The following TMEM221 variants were observed in gnomAD, a reference collection of about 807,000 sequenced individuals.
TMEM221 encodes the protein Putative transmembrane protein ENSP00000342162.
A neutral mutation model predicts 10.2 loss-of-function variants in TMEM221; 11 were observed. The ratio of observed to expected loss-of-function variants is 1.08; its 90% CI spans 0.68 to 1.79. The LOEUF (loss-of-function observed/expected upper bound fraction) is 1.79. Among genes scored for constraint, TMEM221 ranks in the 40% most tolerant of loss-of-function variants. The pLI is 0.00. For missense variants in TMEM221, 382 were observed against 417.7 expected (o/e 0.91, Z 0.75); for synonymous variants, 172 against 199.8 (o/e 0.86, Z 1.18).
chr19:17,447,440 T>A (rs2074957206), intron 1 of TMEM221, among the ~76,000 whole-genome samples: 1 of 152,080 alleles, frequency 6.6e-6, no homozygotes, highest in African/African-American at 2.4e-5. Flanking sequence ...ACCCAACAGA[T>A]GTTTGCTGAC....
In TMEM221 at chr19:17,447,968, G is replaced by A. The variant is rs188152743; in HGVS notation, c.320+175C>T. 1.5e-3 allele frequency among the ~76,000 whole-genome samples: 234 copies of A among 152,320 alleles called. 1 individual carries two copies. The highest frequency in any genetic ancestry group is 5.5e-3 in the African/African-American group (230 of 41,572). On this transcript the variant is annotated intron_variant, in intron 1 of 2. Coordinates refer to ENST00000341130, the MANE Select transcript of TMEM221 (RefSeq NM_001190844.2). ...TTGAACAAATATAGAATGGAGGGAG[G>A]GAAGGAGGGAGGAGGAGAGGAAAGG... is the stretch of plus-strand genomic sequence containing the variant.
At chr19:17,438,691 G>A (rs1379368060) in intron 2 of TMEM221, among the ~76,000 whole-genome samples, 6 of 150,652 alleles carry the variant, frequency 4.0e-5, no homozygotes, top group Admixed American at 2.7e-4. Flanking sequence ...TCTGCCTCTC[G>A]GGTTCAAGCA....
chr19:17,441,317 AG>A (rs1172376617), intron 2 of TMEM221, among the ~76,000 whole-genome samples: 2 of 151,810 alleles, frequency 1.3e-5, no homozygotes, highest in Non-Finnish European at 2.9e-5. Flanking sequence ...GGTGCATCGT[AG>A]GACGTTTAGC....
At chr19:17,447,294 T>C (rs1006544894) in intron 1 of TMEM221, among the ~76,000 whole-genome samples, 3 of 152,108 alleles carry the variant, frequency 2.0e-5, no homozygotes, top group African/African-American at 7.2e-5. Context: ...AGGGCTGGGA[T>C]TGCAGGTGTG....
At chr19:17,443,136 C>T (rs2074938454) in intron 2 of TMEM221, among the ~76,000 whole-genome samples, 1 of 151,842 alleles carries the variant, frequency 6.6e-6, no homozygotes, top group Non-Finnish European at 1.5e-5. Context: ...AAAAAATTAG[C>T]TGGGCGTGGT....
At chr19:17,443,276 G>A (rs1266602528) in intron 2 of TMEM221, among the ~76,000 whole-genome samples, 3 of 151,394 alleles carry the variant, frequency 2.0e-5, no homozygotes, top group African/African-American at 4.8e-5. Flanking sequence ...GCGAGACTCC[G>A]CATCAAAAAA....
chr19:17,437,035 A>G, intron 2 of TMEM221, 108 bp from the exon 3 acceptor site: 1 of 758,816 alleles, frequency 1.3e-6, no homozygotes, highest in Non-Finnish European at 1.9e-6. Context: ...CTGCCACATG[A>G]CAGGCACATA....
At position 17,436,663 on chromosome 19, in the gene TMEM221, G is replaced by A; in HGVS notation, c.671C>T (p.Pro224Leu). ...IHRRTPYSTC[P>L]EPGDPFGSMA... ...GGACCCAAAGGGGTCCCCAGGCTCT[G>A]GACAGGTTGAATAGGGGGTCCGACG... The change falls in exon 3 of 3, where the codon CCA becomes CTA. Residue 224 changes from proline (P) to leucine (L), a missense_variant. Coordinates refer to ENST00000341130, the MANE Select transcript of TMEM221 (RefSeq NM_001190844.2). The A allele has an allele frequency of 2.0e-6, 3 of 1,535,790 alleles. No individual in the cohort carries two copies. Among genetic ancestry groups the A allele is most frequent in the Non-Finnish European group, 2.6e-6 (3 of 1,146,660 alleles).
chr19:17,447,987 G>A (rs1366889693), intron 1 of TMEM221, among the ~76,000 whole-genome samples, 156 bp downstream of exon 1: 2 of 152,184 alleles, frequency 1.3e-5, no homozygotes, highest in Non-Finnish European at 2.9e-5. Flanking sequence ...GAGGAGGAGA[G>A]GAAAGGAGGG....
At position 17,444,405 on chromosome 19, in the gene TMEM221, C is replaced by T. The variant is rs184649870; in HGVS notation, c.406+794G>A. On this transcript the variant is annotated intron_variant, in intron 2 of 2. Coordinates refer to ENST00000341130, the MANE Select transcript of TMEM221 (RefSeq NM_001190844.2). ...GCCAAAATGCTATCTTTAGACACCACGCAGGCCATGAAAATTTTTGTTCAA... is the reference window on the plus strand; with the variant it reads ...GCCAAAATGCTATCTTTAGACACCATGCAGGCCATGAAAATTTTTGTTCAA... Among the ~76,000 whole-genome samples the T allele has an allele frequency of 2.2e-3, 328 of 151,468 alleles. 6 individuals are homozygous for T. Among genetic ancestry groups the T allele is most frequent in the Admixed American group, 2.8e-3 (42 of 15,114 alleles).
chr19:17,448,137 T>C lies in TMEM221; in HGVS notation c.320+6A>G. On this transcript the variant is annotated splice_donor_region_variant and intron_variant, in intron 1 of 2. Transcript: ENST00000341130. This position sits in a 1 kb window ranked among gnomAD's most constrained non-coding sequence, Gnocchi z 4.7. ...GCCTCCGAGGCGGTGAGGCCAGTCC[T>C]CCTACCTCCTGGGGCCAGGCCCCCG... The C allele has an allele frequency of 7.2e-7, 1 of 1,385,928 alleles. No homozygotes were observed. 85.9% of individuals were successfully genotyped at this position (1,385,928 alleles called of 1,614,324 possible).
In TMEM221 at chr19:17,448,236, G is replaced by C; in HGVS notation, c.227C>G (p.Ala76Gly). 3 of 1,319,982 alleles carry C rather than the reference G, an allele frequency of 2.3e-6. No individual in the cohort carries two copies. The highest frequency in any genetic ancestry group is 2.9e-6 in the Non-Finnish European group (3 of 1,035,896). The allele number at this position is 1,319,982 out of a possible 1,614,324, so 81.8% of individuals were successfully genotyped here. Reference sequence around the variant, plus strand: ...GGTGAACCCCAGCACGAGCACCAGCGCGGCCAGCGCGGCGGCCAGCGGCAG... The same window carrying C: ...GGTGAACCCCAGCACGAGCACCAGCCCGGCCAGCGCGGCGGCCAGCGGCAG... ...TLLPLAAALA[A>G]LVLVLGFTCL... The change falls in exon 1 of 3, where the codon GCG (alanine) becomes GGG (glycine). Residue 76 changes from alanine (A) to glycine (G), a missense_variant. Coordinates refer to ENST00000341130, the MANE Select transcript of TMEM221 (RefSeq NM_001190844.2). This position sits in a 1 kb window ranked among gnomAD's most constrained non-coding sequence, Gnocchi z 4.7.
Position 17,448,013 on chromosome 19 carries a change from G to T in TMEM221, c.320+130C>A. 1.6e-6 allele frequency: 1 copy of T among 623,006 alleles called. No homozygotes were observed. The highest frequency in any genetic ancestry group is 2.3e-6 in the Non-Finnish European group (1 of 432,832). The allele number at this position is 623,006 out of a possible 1,614,324, so 38.6% of individuals were successfully genotyped here. On this transcript the variant is annotated intron_variant, in intron 1 of 2. Coordinates refer to ENST00000341130, the MANE Select transcript of TMEM221 (RefSeq NM_001190844.2). The surrounding 1 kb of genome is among the most constrained non-coding windows in gnomAD (Gnocchi z 4.7). ...GAAAGGAGGGAGGCAGAGAGACATG[G>T]AGTGGTGGGGAGAGGGAAGTGGGGA...
rs193142704 is a variant in TMEM221, at chr19:17,436,724, C to T, written c.610G>A (p.Ala204Thr). ...TGCTGAGGCTGAGCTCTGGGGCTGG[C>T]CTTGGAGACTTCGGCAGGGCGGGCG... ...DLARPAEVSK[A>T]SPRAQPQQGI... Residue 204 changes from alanine (A) to threonine (T), a missense_variant, in exon 3 of 3, where the codon GCC (alanine) becomes ACC (threonine). Physicochemically the swap from Ala to Thr is moderately conservative, Grantham distance 58. Coordinates refer to ENST00000341130, the MANE Select transcript of TMEM221 (RefSeq NM_001190844.2). 6.5e-7 allele frequency: 1 copy of T among 1,529,504 alleles called. No homozygotes were observed. The highest frequency in any genetic ancestry group is 1.4e-5 in the African/African-American group (1 of 73,044). 94.7% of individuals were successfully genotyped at this position (1,529,504 alleles called of 1,614,324 possible). A position where few individuals can be genotyped will look rare whatever the true frequency, so the allele number is the denominator to read the frequency against.
rs2074911515 is a variant in TMEM221 at position 17,436,840 on chromosome 19, A to C, written c.494T>G (p.Val165Gly). ...SILGSGTLVL[V>G]AVLTHTLLRA... ...GAGGAGAGTGTGGGTCAGCACAGCC[A>C]CCAGAACCAGGGTGCCCGAGCCGAG... Residue 165 changes from valine to glycine, a missense_variant, in exon 3 of 3, where the codon GTG (valine) becomes GGG (glycine). By Grantham distance (109) the Val-to-Gly change is moderately radical. Transcript: ENST00000341130. 6.8e-7 allele frequency: 1 copy of C among 1,472,074 alleles called. No homozygotes were observed. The highest frequency in any genetic ancestry group is 9.0e-7 in the Non-Finnish European group (1 of 1,114,238). 91.2% of individuals were successfully genotyped at this position (1,472,074 alleles called of 1,614,324 possible).
intron 2 of TMEM221, chr19:17,444,793 A>AT (rs1448980426): frequency 4.0e-5 from 4 of 99,702 alleles, no homozygotes; most frequent in African/African-American, 1.1e-4. Context: ...TAATAAATAT[A>AT]TATTATATAT....
In TMEM221 at chr19:17,436,211, C is replaced by T. The variant is rs531113082; in HGVS notation, c.*247G>A. ...CAGTGGGATATAAAAAGAAGGGTTT[C>T]GAGGCTTCCTGGGAAGACTTCCAGG... On this transcript the variant is annotated 3_prime_UTR_variant, in exon 3 of 3. Transcript: ENST00000341130. 479 of 479,940 alleles carry T rather than the reference C, an allele frequency of 1.0e-3. 1 individual carries two copies. The highest frequency in any genetic ancestry group is 3.0e-3 in the African/African-American group (156 of 51,168). 29.7% of individuals were successfully genotyped at this position (479,940 alleles called of 1,614,324 possible).
In TMEM221 at chr19:17,448,653, CG is replaced by C; in HGVS notation, c.-192del. 1 of 383,948 alleles carries C rather than the reference CG, an allele frequency of 2.6e-6. No individual in the cohort carries two copies. Among genetic ancestry groups the C allele is most frequent in the Non-Finnish European group, 4.6e-6 (1 of 217,272 alleles). The allele number at this position is 383,948 out of a possible 1,614,324, so 23.8% of individuals were successfully genotyped here. A position where few individuals can be genotyped will look rare whatever the true frequency, so the allele number is the denominator to read the frequency against. On this transcript the variant is annotated 5_prime_UTR_variant, in exon 1 of 3. Coordinates refer to ENST00000341130, the MANE Select transcript of TMEM221 (RefSeq NM_001190844.2). This position sits in a 1 kb window ranked among gnomAD's most constrained non-coding sequence, Gnocchi z 4.7. ...GGGGCTCCGGGGTGCTGGTCGCAGC[CG>C]GGACGCCGAATCTCCGCGAAAACTT...
intron 2 of TMEM221, among the ~76,000 whole-genome samples, chr19:17,443,710 C>T (rs1368888870): frequency 1.3e-5 from 2 of 151,914 alleles, no homozygotes; most frequent in East Asian, 1.9e-4. Context: ...TCCTGTTTTT[C>T]ATTCAGTAGG....
Sources: gnomAD v4.1 joint callset for allele counts (sites outside exome capture counted in the v4.1 genomes callset) on GRCh38, gnomAD v4.1.1 for gene constraint, Gnocchi (gnomAD v3.1) non-coding constraint, MANE v1.5 for transcripts, NCBI Gene and HGNC (gene_info 2026-07-23, HGNC 2026-07-21) for gene names.